The following MAPKAPK3 variants were observed in gnomAD, a reference collection of about 807,000 sequenced individuals.
The protein encoded by MAPKAPK3 is MAPK activated protein kinase 3.
MAPKAPK3 carries 35 observed loss-of-function variants against 49.2 expected under a neutral mutation model. The ratio of observed to expected loss-of-function variants is 0.71; its 90% confidence interval spans 0.54 to 0.94. The LOEUF (loss-of-function observed/expected upper bound fraction) is 0.94. Ranked by LOEUF, MAPKAPK3 falls within the 40% of genes least tolerant of loss-of-function variation. The pLI, the probability that MAPKAPK3 is intolerant of heterozygous loss-of-function variation, is 0.00. For synonymous variants in MAPKAPK3, 178 were observed against 188.7 expected, an observed-to-expected ratio of 0.94 and a Z score of 0.46; for missense variants, 398 against 493.1, an observed-to-expected ratio of 0.81 and a Z score of 1.83.
intron 2 of MAPKAPK3, among the ~76,000 whole-genome samples, chr3:50,618,407 C>T (rs2032524874): frequency 6.6e-6 from 1 of 151,950 alleles, no homozygotes; most frequent in Admixed American, 6.5e-5. Flanking sequence ...GGGCAGAGGG[C>T]GGGCCAGCCA....
intron 2 of MAPKAPK3, among the ~76,000 whole-genome samples, chr3:50,628,485 T>C (rs2032815862): frequency 6.6e-6 from 1 of 152,226 alleles, no homozygotes. Context: ...TTTTACACTG[T>C]CATAGAAGAA....
intron 2 of MAPKAPK3, among the ~76,000 whole-genome samples, chr3:50,635,481 G>A (rs977276396): frequency 4.2e-5 from 5 of 118,406 alleles, no homozygotes; most frequent in African/African-American, 6.6e-5. Context: ...GCAGTGGCAC[G>A]ATCTCAGCTC....
intron 4 of MAPKAPK3, 50 bp from the exon 5 acceptor site, chr3:50,642,203 G>C: frequency 8.0e-7 from 1 of 1,243,468 alleles, no homozygotes. Flanking sequence ...TAGGGTGGGG[G>C]CTTGACCTTT....
At position 50,617,709 on chromosome 3, in the gene MAPKAPK3, G is replaced by A. The variant is rs1239435558; in HGVS notation, c.144G>A (p.Gln48=). Residue 48 remains glutamine, a synonymous_variant, in exon 2 of 11, where the codon CAG becomes CAA. Coordinates refer to ENST00000621469, the MANE Select transcript of MAPKAPK3 (RefSeq NM_001243925.2). ...CCGACGACTACCAGTTGTCCAAGCA[G>A]GTGCTGGGCCTGGGTGTGAACGGCA... ...AVTDDYQLSK[Q]VLGLGVNGKV... 3.7e-6 allele frequency: 6 copies of A among 1,613,694 alleles called. No homozygotes were observed. Among genetic ancestry groups the A allele is most frequent in the Non-Finnish European group, 4.2e-6 (5 of 1,180,006 alleles).
At chr3:50,627,826 G>A (rs1297948357) in intron 2 of MAPKAPK3, among the ~76,000 whole-genome samples, 1 of 152,162 alleles carries the variant, frequency 6.6e-6, no homozygotes, top group African/African-American at 2.4e-5. Context: ...GGAGGGGAGA[G>A]GGGCCAGGGG....
intron 2 of MAPKAPK3, among the ~76,000 whole-genome samples, chr3:50,630,312 C>G (rs1400575730): frequency 6.6e-6 from 1 of 152,244 alleles, no homozygotes. Flanking sequence ...CAGTCCCAGT[C>G]CAGGTCTAGC....
intron 2 of MAPKAPK3, among the ~76,000 whole-genome samples, chr3:50,619,234 G>A (rs972056528): frequency 1.3e-5 from 2 of 152,204 alleles, no homozygotes; most frequent in African/African-American, 2.4e-5. Context: ...AAGGCACAAG[G>A]TCTTAAAGCA....
At chr3:50,632,946 G>A (rs1309796923) in intron 2 of MAPKAPK3, among the ~76,000 whole-genome samples, 1 of 152,240 alleles carries the variant, frequency 6.6e-6, no homozygotes, top group Non-Finnish European at 1.5e-5. Context: ...GGCCCTTCCT[G>A]GGCGAGGAAG....
intron 2 of MAPKAPK3, among the ~76,000 whole-genome samples, chr3:50,623,130 G>GA (rs2032649834): frequency 6.6e-6 from 1 of 152,136 alleles, no homozygotes; most frequent in Admixed American, 6.5e-5. Context: ...CCTCTGCAGG[G>GA]CCACTTGTTA....
rs2033359262 is a variant in MAPKAPK3 at position 50,648,536 on chromosome 3, T to G, written c.*490T>G. On this transcript the variant is annotated 3_prime_UTR_variant, in exon 11 of 11. Coordinates refer to ENST00000621469, the MANE Select transcript of MAPKAPK3 (RefSeq NM_001243925.2). ...GAGCGAGTAAGGGAGGAGGGGCGAT[T>G]GAGGGTTCACCTCTGCCTTGGGGAG... 6.4e-6 allele frequency: 1 copy of G among 155,422 alleles called. No homozygotes were observed. The highest frequency in any genetic ancestry group is 2.4e-5 in the African/African-American group (1 of 41,506). The allele number at this position is 155,422 out of a possible 1,614,324, so 9.6% of individuals were successfully genotyped here.
rs1364236066 is a variant in MAPKAPK3 at position 50,647,909 on chromosome 3, G to A, written c.1012G>A (p.Ala338Thr). The change falls in exon 11 of 11, where the codon GCC (alanine) becomes ACC (threonine). Residue 338 changes from alanine to threonine, a missense_variant. Physicochemically the swap from Ala to Thr is moderately conservative, Grantham distance 58. This residue lies in a region of MAPKAPK3 where 152 missense variants were observed against 177.3 expected (regional missense o/e 0.86). Transcript: ENST00000621469. ...CTGTCCCCAGGAGGAGATGACCAGT[G>A]CCTTGGCCACTATGCGGGTAGACTA... ...WDEVKEEMTS[A>T]LATMRVDYDQ... The A allele has an allele frequency of 6.2e-7, 1 of 1,613,638 alleles. No individual in the cohort carries two copies. Among genetic ancestry groups the A allele is most frequent in the Non-Finnish European group, 8.5e-7 (1 of 1,179,812 alleles).
At chr3:50,630,528 C>T (rs1237397477) in intron 2 of MAPKAPK3, among the ~76,000 whole-genome samples, 1 of 152,254 alleles carries the variant, frequency 6.6e-6, no homozygotes, top group African/African-American at 2.4e-5. Flanking sequence ...TGTTGAAGGG[C>T]AAGAGCTAAT....
intron 3 of MAPKAPK3, 57 bp downstream of exon 3, chr3:50,640,562 C>G: frequency 1.3e-6 from 2 of 1,542,290 alleles, no homozygotes; most frequent in African/African-American, 1.4e-5. Flanking sequence ...CCCTCAGGCT[C>G]CCTGCCACGC....
At chr3:50,642,371 G>T in intron 5 of MAPKAPK3, 39 bp downstream of exon 5, 1 of 1,498,400 alleles carries the variant, frequency 6.7e-7, no homozygotes, top group Non-Finnish European at 9.3e-7. Context: ...CCGGGGAAGA[G>T]GATATTGTCC....
Position 50,646,133 on chromosome 3 carries a change from C to T in MAPKAPK3, c.705-7C>T. ...CCCTATGCCAAATGACTTACCCCTT[C>T]CCCCAGCCTTTGTGGCTTCCCACCC... On this transcript the variant is annotated splice_polypyrimidine_tract_variant and splice_region_variant and intron_variant, in intron 7 of 10. Coordinates refer to ENST00000621469, the MANE Select transcript of MAPKAPK3 (RefSeq NM_001243925.2). 1 of 1,612,666 alleles carries T rather than the reference C, an allele frequency of 6.2e-7. No individual in the cohort carries two copies. The highest frequency in any genetic ancestry group is 1.3e-5 in the African/African-American group (1 of 75,002).
At position 50,635,920 on chromosome 3, in the gene MAPKAPK3, C is replaced by CAA. The variant is rs748358137; in HGVS notation, c.220-4421_220-4420dup. Among the ~76,000 whole-genome samples the CAA allele has an allele frequency of 2.0e-3, 150 of 73,456 alleles. 2 individuals carry two copies. Among genetic ancestry groups the CAA allele is most frequent in the East Asian group, 0.014 (21 of 1,452 alleles). The allele number at this position is 73,456 out of a possible 152,430, so 48.2% of individuals were successfully genotyped here. On this transcript the variant is annotated intron_variant, in intron 2 of 10. Coordinates refer to ENST00000621469, the MANE Select transcript of MAPKAPK3 (RefSeq NM_001243925.2). ...CAACATGATAAAACCCCGTCTCTAC[C>CAA]AAAAAAAAAAAAAAAAAAAAAAAAA...
rs758219473 is a variant in MAPKAPK3, at chr3:50,617,679, A to G, written c.114A>G (p.Ala38=). ...PGGRREPKKY[A]VTDDYQLSKQ... Reference sequence around the variant, plus strand: ...GGCGGCGGGAGCCCAAGAAGTACGCAGTGACCGACGACTACCAGTTGTCCA... The same window carrying G: ...GGCGGCGGGAGCCCAAGAAGTACGCGGTGACCGACGACTACCAGTTGTCCA... The change falls in exon 2 of 11, where the codon GCA becomes GCG. Residue 38 remains alanine, a synonymous_variant. Transcript: ENST00000621469. 1.2e-5 allele frequency: 19 copies of G among 1,613,100 alleles called. No homozygotes were observed. Among genetic ancestry groups the G allele is most frequent in the Non-Finnish European group, 1.4e-5 (17 of 1,179,710 alleles).
At chr3:50,637,330 C>T (rs1010663233) in intron 2 of MAPKAPK3, among the ~76,000 whole-genome samples, 6 of 152,156 alleles carry the variant, frequency 3.9e-5, no homozygotes. Context: ...GTAGGAGGAA[C>T]AGAAGCAAAA....
chr3:50,644,937 C>T (rs1047797863), intron 6 of MAPKAPK3, among the ~76,000 whole-genome samples: 1 of 152,200 alleles, frequency 6.6e-6, no homozygotes, highest in African/African-American at 2.4e-5. Context: ...GGGTACCAGT[C>T]ACCTGCCTTG....
Sources: gnomAD v4.1 joint callset for allele counts (sites outside exome capture counted in the v4.1 genomes callset) on GRCh38, gnomAD v4.1.1 for gene constraint, gnomAD v4.1.1 regional missense constraint, MANE v1.5 for transcripts, NCBI Gene and HGNC (gene_info 2026-07-23, HGNC 2026-07-21) for gene names.